Variants in KLF12 observed in about 807,000 individuals in gnomAD.
The protein encoded by KLF12 is Krueppel-like factor 12.
A neutral mutation model predicts 37.8 loss-of-function variants in KLF12; 9 were observed. The ratio of observed to expected loss-of-function variants is 0.24; its 90% confidence interval spans 0.14 to 0.42. The LOEUF is 0.42. Ranked by LOEUF, KLF12 falls within the 10% of genes least tolerant of loss-of-function variation. The pLI, the probability that KLF12 is intolerant of heterozygous loss-of-function variation, is 1.00. For synonymous variants in KLF12, 208 were observed against 202.1 expected (o/e 1.03, Z -0.25); for missense variants, 411 against 516.0 (o/e 0.80, Z 1.97).
intron 3 of KLF12, among the ~76,000 whole-genome samples, chr13:73,939,370 T>C (rs1344629224): frequency 5.3e-5 from 8 of 152,176 alleles, no homozygotes; most frequent in Non-Finnish European, 1.2e-4. Context: ...AATAAACTAT[T>C]TTCATTTTTT....
At chr13:73,857,956 A>G (rs547024732) in intron 3 of KLF12, among the ~76,000 whole-genome samples, 39 of 152,344 alleles carry the variant, frequency 2.6e-4, no homozygotes, top group African/African-American at 9.1e-4. Context: ...CTATACAAAA[A>G]GTATGAGCTT....
chr13:74,128,007 T>C (rs1218654648), intron 1 of KLF12, among the ~76,000 whole-genome samples: 1 of 152,234 alleles, frequency 6.6e-6, no homozygotes. Flanking sequence ...AGGTGACTCA[T>C]TAAAGAAGTA....
intron 3 of KLF12, among the ~76,000 whole-genome samples, chr13:73,915,134 C>T (rs904435043): frequency 6.6e-6 from 1 of 152,130 alleles, no homozygotes; most frequent in African/African-American, 2.4e-5. Context: ...CTCCTGTCTG[C>T]GTCACTCCAA....
the KLF12 span, among the ~76,000 whole-genome samples, chr13:74,189,844 A>T: frequency 2.3e-3 from 355 of 152,324 alleles, 2 homozygotes; most frequent in South Asian, 3.3e-3. Context: ...TCATTAAAAA[A>T]TTTTTTAATG....
At chr13:73,933,005 C>G (rs1420419946) in intron 3 of KLF12, among the ~76,000 whole-genome samples, 2 of 152,160 alleles carry the variant, frequency 1.3e-5, no homozygotes, top group African/African-American at 4.8e-5. Flanking sequence ...AAGACTGATT[C>G]ACAAGACATG....
At chr13:73,981,272 T>C (rs1278314621) in intron 2 of KLF12, among the ~76,000 whole-genome samples, 3 of 152,220 alleles carry the variant, frequency 2.0e-5, no homozygotes, top group Non-Finnish European at 4.4e-5. Flanking sequence ...TCTGGGTATA[T>C]ATTCCAGAGA....
chr13:74,205,475 G>T, the KLF12 span, among the ~76,000 whole-genome samples: 1 of 152,128 alleles, frequency 6.6e-6, no homozygotes, highest in Non-Finnish European at 1.5e-5. Context: ...AAGTGCATGT[G>T]TGACTTTCTT....
intron 5 of KLF12, among the ~76,000 whole-genome samples, chr13:73,773,865 G>GC (rs1260205252): frequency 1.3e-5 from 2 of 151,816 alleles, no homozygotes; most frequent in Non-Finnish European, 1.5e-5. Context: ...TTTATTCACA[G>GC]CCCCCCTTAC....
chr13:73,984,422 C>T (rs1174280243), intron 2 of KLF12, among the ~76,000 whole-genome samples: 4 of 152,144 alleles, frequency 2.6e-5, no homozygotes, highest in Non-Finnish European at 4.4e-5. Flanking sequence ...GGCCATGACG[C>T]GTCTTGCTCA....
At chr13:73,988,578 T>C (rs1269645900) in intron 2 of KLF12, among the ~76,000 whole-genome samples, 1 of 152,156 alleles carries the variant, frequency 6.6e-6, no homozygotes, top group African/African-American at 2.4e-5. Flanking sequence ...CCACAGCATA[T>C]CCAATGTTAT....
At chr13:73,909,456 T>G (rs1438317455) in intron 3 of KLF12, among the ~76,000 whole-genome samples, 3 of 152,222 alleles carry the variant, frequency 2.0e-5, no homozygotes, top group Admixed American at 2.0e-4. Context: ...TCTGTTGTCT[T>G]TTCACATATA....
At chr13:74,135,617 A>C (rs936768475), upstream of KLF12, among the ~76,000 whole-genome samples, 8 of 151,048 alleles carry the variant, frequency 5.3e-5, no homozygotes, top group East Asian at 2.0e-4. Flanking sequence ...CGCGCGGCGG[A>C]CGGAGGCGGG....
chr13:73,891,596 T>G (rs1594217626), intron 3 of KLF12, among the ~76,000 whole-genome samples: 2 of 152,266 alleles, frequency 1.3e-5, no homozygotes, highest in Non-Finnish European at 2.9e-5. Flanking sequence ...TAATCAAGAC[T>G]GGTTTGGGAA....
At chr13:74,230,478 A>C in the KLF12 span, among the ~76,000 whole-genome samples, 1 of 152,132 alleles carries the variant, frequency 6.6e-6, no homozygotes, top group East Asian at 1.9e-4. Context: ...AATAGGTATA[A>C]TTGTGCTCAT....
intron 1 of KLF12, among the ~76,000 whole-genome samples, chr13:74,015,103 G>T (rs1417853130): frequency 6.6e-6 from 1 of 151,966 alleles, no homozygotes; most frequent in Admixed American, 6.6e-5. Context: ...ATAAACAGTA[G>T]ATTATATACA....
At position 73,732,063 on chromosome 13, in the gene KLF12, T is replaced by C. The variant is rs187141547; in HGVS notation, c.870-16538A>G. Among the ~76,000 whole-genome samples, 3 of 150,620 alleles carry C rather than the reference T, an allele frequency of 2.0e-5. No homozygotes were observed. In the Admixed American group the frequency reaches 2.0e-4, roughly 10 times the overall value. ...CAGTAACTGCTGTTTCACTTTGTGT[T>C]AACTGTAATTATTAACCCTATTTTT... is the stretch of plus-strand genomic sequence containing the variant. On this transcript the variant is annotated intron_variant, in intron 6 of 7. Coordinates refer to ENST00000377669, the MANE Select transcript of KLF12 (RefSeq NM_007249.5).
chr13:74,063,223 C>T (rs563133482), intron 1 of KLF12, among the ~76,000 whole-genome samples: 3 of 152,048 alleles, frequency 2.0e-5, no homozygotes, highest in African/African-American at 7.2e-5. Context: ...TTTTTTCTCC[C>T]CACCATCCTC....
chr13:74,254,707 G>A, the KLF12 span, among the ~76,000 whole-genome samples: 6,240 of 152,256 alleles, frequency 0.041, 145 homozygotes, highest in Middle Eastern at 0.071. Flanking sequence ...AGACAGGGAA[G>A]TGACTCCTTA....
chr13:73,818,648 C>T (rs185151732), intron 4 of KLF12, among the ~76,000 whole-genome samples: 43 of 152,310 alleles, frequency 2.8e-4, no homozygotes, highest in South Asian at 2.1e-4. Flanking sequence ...TAAATGTGTA[C>T]GACACAACAA....
Sources: gnomAD v4.1 joint callset for allele counts (sites outside exome capture counted in the v4.1 genomes callset) on GRCh38, gnomAD v4.1.1 for gene constraint, MANE v1.5 for transcripts, NCBI Gene and HGNC (gene_info 2026-07-23, HGNC 2026-07-21) for gene names.